The following CREB5 variants were observed in gnomAD, a reference collection of about 807,000 sequenced individuals.
The protein encoded by CREB5 is cyclic AMP-responsive element-binding protein 5.
CREB5 carries 19 observed loss-of-function variants against 57.1 expected under a neutral mutation model. The observed-to-expected ratio is 0.33, with a 90% CI of 0.23 to 0.49. CREB5 has a LOEUF of 0.49. Among genes scored for constraint, CREB5 ranks in the 20% least tolerant of loss-of-function variants. The probability of loss-of-function intolerance (pLI) is 0.99; values close to 1 mark genes in which losing one functional copy is unlikely to be tolerated. For synonymous variants in CREB5, 238 were observed against 238.3 expected, an observed-to-expected ratio of 1.00 and a Z score of 0.01; for missense variants, 579 against 671.6, an observed-to-expected ratio of 0.86 and a Z score of 1.52.
At chr7:28,310,684 A>T (rs1785260667) in intron 1 of CREB5, among the ~76,000 whole-genome samples, 1 of 152,348 alleles carries the variant, frequency 6.6e-6, no homozygotes, top group South Asian at 2.1e-4. Flanking sequence ...AATTGTTAAG[A>T]TCTTGCTTTA....
intron 5 of CREB5, among the ~76,000 whole-genome samples, chr7:28,668,153 A>G (rs772485651): frequency 2.6e-5 from 4 of 152,222 alleles, no homozygotes; most frequent in African/African-American, 4.8e-5. Flanking sequence ...TTATGAGGAC[A>G]CGGAAAGAAA....
intron 1 of CREB5, among the ~76,000 whole-genome samples, chr7:28,472,746 C>A (rs570066623): frequency 2.2e-4 from 33 of 152,292 alleles, no homozygotes; most frequent in African/African-American, 7.2e-4. Context: ...GATGGAGGAA[C>A]AGGTACTTCG....
chr7:28,726,541 G>C (rs953306998), intron 7 of CREB5: 3 of 152,012 alleles, frequency 2.0e-5, no homozygotes, highest in African/African-American at 7.3e-5. Flanking sequence ...AAAAAAACTT[G>C]CACGATTTTA....
chr7:28,391,757 G>T (rs1787220845), intron 1 of CREB5, among the ~76,000 whole-genome samples: 1 of 152,116 alleles, frequency 6.6e-6, no homozygotes, highest in Non-Finnish European at 1.5e-5. Flanking sequence ...TTCCATCTCT[G>T]TCTCCTTTTT....
intron 5 of CREB5, among the ~76,000 whole-genome samples, chr7:28,688,368 G>A (rs147877819): frequency 5.3e-5 from 8 of 152,310 alleles, no homozygotes; most frequent in South Asian, 2.1e-4. Context: ...TGCCAAAAAT[G>A]CAGCAGACAC....
chr7:28,576,827 G>A (rs778445113), intron 5 of CREB5, among the ~76,000 whole-genome samples: 5 of 152,178 alleles, frequency 3.3e-5, no homozygotes, highest in Non-Finnish European at 5.9e-5. Context: ...CTGGCCCTCA[G>A]AGTTCCTGAA....
intron 1 of CREB5, among the ~76,000 whole-genome samples, chr7:28,445,607 A>T (rs184293372): frequency 3.3e-5 from 5 of 151,392 alleles, no homozygotes; most frequent in Non-Finnish European, 7.4e-5. Flanking sequence ...GCTGGAGTGC[A>T]GTGGCGCGAT....
chr7:28,605,721 A>G (rs1339937666), intron 5 of CREB5, among the ~76,000 whole-genome samples: 8 of 152,172 alleles, frequency 5.3e-5, no homozygotes, highest in Admixed American at 5.2e-4. Flanking sequence ...AGTGAGGGGC[A>G]CAGTGCTTTG....
chr7:28,714,009 G>A (rs1359364651), intron 5 of CREB5, among the ~76,000 whole-genome samples: 3 of 151,836 alleles, frequency 2.0e-5, no homozygotes, highest in Non-Finnish European at 4.4e-5. Context: ...TGATGCCCAG[G>A]TTCCCAGGTT....
chr7:28,535,843 G>T (rs576517735), intron 4 of CREB5, among the ~76,000 whole-genome samples: 1 of 152,072 alleles, frequency 6.6e-6, no homozygotes, highest in Non-Finnish European at 1.5e-5. Context: ...CCTTGGTTGG[G>T]CTGTGCTAAC....
chr7:28,616,926 A>G (rs77584478), intron 5 of CREB5, among the ~76,000 whole-genome samples: 3 of 152,338 alleles, frequency 2.0e-5, no homozygotes, highest in South Asian at 2.1e-4. Context: ...TGTTTGTACT[A>G]TCTAAGTCCC....
chr7:28,619,461 A>G (rs1562530770), intron 5 of CREB5, among the ~76,000 whole-genome samples: 1 of 152,302 alleles, frequency 6.6e-6, no homozygotes, highest in East Asian at 1.9e-4. Flanking sequence ...AAAAGAGAAC[A>G]TTGTTTGCTG....
intron 5 of CREB5, among the ~76,000 whole-genome samples, chr7:28,632,203 C>T (rs552572805): frequency 1.3e-5 from 2 of 152,290 alleles, no homozygotes; most frequent in East Asian, 3.9e-4. Context: ...ATTGTAGGTG[C>T]CTGGACTGAA....
intron 7 of CREB5, among the ~76,000 whole-genome samples, chr7:28,738,957 C>A (rs1804187626): frequency 6.6e-6 from 1 of 152,136 alleles, no homozygotes; most frequent in Non-Finnish European, 1.5e-5. Flanking sequence ...CTCAGAGATA[C>A]AATGATAAAT....
At position 28,560,867 on chromosome 7, in the gene CREB5, T is replaced by TGCGCGTGCGCGTGC. The variant is rs1294033526; in HGVS notation, c.292-9495_292-9494insCGTGCGCGTGCGCG. On this transcript the variant is annotated intron_variant, in intron 4 of 10. Transcript: ENST00000357727. ...GTGCGCGTGTGTGTGTGCGTGTGCC[T>TGCGCGTGCGCGTGC]GCGTGCGCGTGCGTGCGTGCGTGTG... Among the ~76,000 whole-genome samples, 36 of 22,070 alleles carry TGCGCGTGCGCGTGC rather than the reference T, an allele frequency of 1.6e-3. 6 individuals are homozygous for TGCGCGTGCGCGTGC. Among genetic ancestry groups the TGCGCGTGCGCGTGC allele is most frequent in the Admixed American group, 6.2e-3 (14 of 2,266 alleles). The allele number at this position is 22,070 out of a possible 152,430, so 14.5% of individuals were successfully genotyped here.
At chr7:28,799,528 A>T (rs1808245505) in intron 7 of CREB5, among the ~76,000 whole-genome samples, 2 of 152,244 alleles carry the variant, frequency 1.3e-5, no homozygotes, top group Non-Finnish European at 2.9e-5. Flanking sequence ...TTCCCTTAAC[A>T]GTATAAGCTA....
At position 28,428,938 on chromosome 7, in the gene CREB5, G is replaced by A. The variant is rs184061196; in HGVS notation, c.3+16021G>A. Among the ~76,000 whole-genome samples, 15 of 152,170 alleles carry A rather than the reference G, an allele frequency of 9.9e-5. No homozygotes were observed. In the East Asian group the frequency reaches 2.5e-3, roughly 26 times the overall value. On this transcript the variant is annotated intron_variant, in intron 1 of 10. Transcript: ENST00000357727. ...CTGCCTAGACCATCCAAGCTTCCCC[G>A]GGTTTCCCAATCTCAATATGTCCTG... is the stretch of plus-strand genomic sequence containing the variant.
intron 7 of CREB5, among the ~76,000 whole-genome samples, chr7:28,739,012 T>C (rs1035006904): frequency 5.3e-5 from 8 of 151,932 alleles, no homozygotes; most frequent in Non-Finnish European, 1.2e-4. Context: ...AATAAGAAAA[T>C]CAGGTAAATA....
upstream of CREB5, chr7:28,410,915 T>C (rs1393903804): frequency 1.5e-5 from 4 of 275,314 alleles, no homozygotes; most frequent in Admixed American, 1.4e-4. Context: ...TTGCCCTCTC[T>C]TCCCAGCCCC....
Sources: gnomAD v4.1 joint callset for allele counts (sites outside exome capture counted in the v4.1 genomes callset) on GRCh38, gnomAD v4.1.1 for gene constraint, MANE v1.5 for transcripts, NCBI Gene and HGNC (gene_info 2026-07-23, HGNC 2026-07-21) for gene names.